SLC35H1: variants seen among roughly 807,000 people sequenced by gnomAD.
The protein encoded by SLC35H1 is ovarian cancer-overexpressed gene 1 protein.
the SLC35H1 span, among the ~76,000 whole-genome samples, chr20:46,354,241 A>T: frequency 6.6e-6 from 1 of 151,754 alleles, no homozygotes; most frequent in Non-Finnish European, 1.5e-5. Flanking sequence ...CGTGGCCCAC[A>T]CTCCTTGAAC....
chr20:46,360,668 C>T, the SLC35H1 span, among the ~76,000 whole-genome samples: 2 of 152,154 alleles, frequency 1.3e-5, no homozygotes, highest in South Asian at 4.2e-4. Flanking sequence ...CCTCAGGCTC[C>T]CTAGTAGCTG....
the SLC35H1 span, chr20:46,355,383 G>A: frequency 7.7e-5 from 66 of 861,454 alleles, no homozygotes; most frequent in Non-Finnish European, 1.1e-4. The surrounding 1 kb of genome is among the most constrained non-coding windows in gnomAD (Gnocchi z 4.8). Context: ...ATCCCAGGGG[G>A]TCCTGGACAG....
chr20:46,354,901 A>C, the SLC35H1 span: 3 of 1,610,070 alleles, frequency 1.9e-6, no homozygotes, highest in South Asian at 3.3e-5. Context: ...CAGCAAAGAG[A>C]GGGAAGAGCC....
chr20:46,356,602 A>T, the SLC35H1 span: 1 of 1,614,150 alleles, frequency 6.2e-7, no homozygotes, highest in South Asian at 1.1e-5. Context: ...AGGAAGCTCC[A>T]GTTGGACAAG....
At chr20:46,360,545 TA>T in the SLC35H1 span, among the ~76,000 whole-genome samples, 11 of 25,574 alleles carry the variant, frequency 4.3e-4, no homozygotes, top group South Asian at 6.3e-3. Context: ...ATTTATATTT[TA>T]TTTTATTTTT....
At chr20:46,358,474 C>T in the SLC35H1 span, 13 of 1,614,096 alleles carry the variant, frequency 8.1e-6, no homozygotes, top group African/African-American at 1.3e-4. Context: ...CCGCCTTCCA[C>T]AAAAAGGCCA....
the SLC35H1 span, chr20:46,352,720 C>CGGGATGAAGGAGATCCCAGT: frequency 1.3e-5 from 2 of 150,094 alleles, no homozygotes; most frequent in African/African-American, 2.6e-5. Context: ...GGGATCCTAG[C>CGGGATGAAGGAGATCCCAGT]GGGATGAAGG....
chr20:46,362,945 T>C, the SLC35H1 span: 1 of 152,330 alleles, frequency 6.6e-6, no homozygotes, highest in Non-Finnish European at 1.5e-5. Flanking sequence ...TTTGTATTTT[T>C]AGTGGAGACA....
At chr20:46,357,103 C>G in the SLC35H1 span, among the ~76,000 whole-genome samples, 1 of 152,224 alleles carries the variant, frequency 6.6e-6, no homozygotes, top group African/African-American at 2.4e-5. Context: ...CCAGACCCCA[C>G]AGCTGGCACT....
the SLC35H1 span, chr20:46,350,253 G>C: frequency 1.0e-5 from 10 of 1,003,942 alleles, no homozygotes; most frequent in South Asian, 9.1e-5. Flanking sequence ...CAAAAGTCAT[G>C]AGTCCCTGGC....
chr20:46,358,855 T>A, the SLC35H1 span: 1 of 836,204 alleles, frequency 1.2e-6, no homozygotes, highest in Non-Finnish European at 2.0e-6. Flanking sequence ...GACTCAGGGC[T>A]CTGGAGGGGC....
At chr20:46,356,792 G>A in the SLC35H1 span, among the ~76,000 whole-genome samples, 1 of 152,200 alleles carries the variant, frequency 6.6e-6, no homozygotes, top group Non-Finnish European at 1.5e-5. Context: ...GCAACTAAAG[G>A]GTTAATATCT....
At chr20:46,357,875 G>T in the SLC35H1 span, 118 of 1,336,172 alleles carry the variant, frequency 8.8e-5, 1 homozygote, top group African/African-American at 1.5e-3. Flanking sequence ...GGGCTCATTC[G>T]GTGGTTCATG....
At chr20:46,351,978 C>A in the SLC35H1 span, 2 of 1,498,872 alleles carry the variant, frequency 1.3e-6, no homozygotes, top group Non-Finnish European at 1.8e-6. Context: ...GGAGCTGGGA[C>A]TGAAGCTGCT....
At chr20:46,357,545 C>CCTTGTCT in the SLC35H1 span, 1 of 1,512,652 alleles carries the variant, frequency 6.6e-7, no homozygotes, top group African/African-American at 1.4e-5. Context: ...TCCAGACATG[C>CCTTGTCT]GGGTGTCTCT....
the SLC35H1 span, among the ~76,000 whole-genome samples, chr20:46,351,325 T>A: frequency 1.3e-5 from 2 of 152,220 alleles, 1 homozygote; most frequent in Middle Eastern, 6.3e-3. Flanking sequence ...CAAACAGGAC[T>A]GGCAAGGCCG....
At chr20:46,349,366 A>G in the SLC35H1 span, 3 of 152,262 alleles carry the variant, frequency 2.0e-5, no homozygotes, top group Non-Finnish European at 4.4e-5. Flanking sequence ...AGGAGTGGAA[A>G]GCCCAAGCCC....
the SLC35H1 span, among the ~76,000 whole-genome samples, chr20:46,362,880 C>T: frequency 6.6e-6 from 1 of 152,364 alleles, no homozygotes; most frequent in East Asian, 1.9e-4. Context: ...GATTCTCCCG[C>T]CTCAGGCTCC....
At chr20:46,360,683 T>C in the SLC35H1 span, among the ~76,000 whole-genome samples, 2 of 152,114 alleles carry the variant, frequency 1.3e-5, no homozygotes, top group African/African-American at 4.8e-5. Context: ...TAGCTGGGAC[T>C]GATTACAGGC....
Sources: allele counts gnomAD v4.1 joint callset (sites outside exome capture counted in the v4.1 genomes callset), GRCh38; gene constraint gnomAD v4.1.1; non-coding constraint Gnocchi (gnomAD v3.1); transcripts MANE v1.5; gene names NCBI Gene and HGNC (gene_info 2026-07-23, HGNC 2026-07-21).